Variants in DNM2 observed in about 807,000 individuals in gnomAD.
The protein encoded by DNM2 is dynamin-2.
In DNM2, 15 loss-of-function variants were observed where a neutral mutation model predicts 99.0. That is an observed-to-expected ratio of 0.15 (90% CI 0.10 to 0.23). The LOEUF (loss-of-function observed/expected upper bound fraction) is 0.23. Among genes scored for constraint, DNM2 ranks in the 10% least tolerant of loss-of-function variants. The probability of loss-of-function intolerance (pLI) is 1.00; values close to 1 mark genes in which losing one functional copy is unlikely to be tolerated. For missense variants in DNM2, 742 were observed against 1,189.4 expected, an observed-to-expected ratio of 0.62 and a Z score of 5.53; for synonymous variants, 525 against 481.2, an observed-to-expected ratio of 1.09 and a Z score of -1.19.
At chr19:10,758,955 T>A (rs1197403810) in intron 1 of DNM2, among the ~76,000 whole-genome samples, 1 of 152,160 alleles carries the variant, frequency 6.6e-6, no homozygotes, top group East Asian at 1.9e-4. Flanking sequence ...TCCTTTTTTT[T>A]TTCCCACACA....
chr19:10,795,584 C>A lies in DNM2; in HGVS notation c.1196+145C>A. On this transcript the variant is annotated intron_variant, in intron 9 of 20. Coordinates refer to ENST00000389253, the MANE Select transcript of DNM2 (RefSeq NM_001005361.3). This position sits in a 1 kb window ranked among gnomAD's most constrained non-coding sequence, Gnocchi z 4.2. ...GGTTTTCTGTAGCTGCGAGCCCCTC[C>A]CTGAGGGTCTCCAAGGGCACATGAG... The A allele has an allele frequency of 2.3e-6, 2 of 887,134 alleles. No individual in the cohort carries two copies. Among genetic ancestry groups the A allele is most frequent in the Non-Finnish European group, 3.6e-6 (2 of 550,526 alleles). The allele number at this position is 887,134 out of a possible 1,614,324, so 55.0% of individuals were successfully genotyped here. A position where few individuals can be genotyped will look rare whatever the true frequency, so the allele number is the denominator to read the frequency against.
Position 10,817,719 on chromosome 19 carries a change from G to C in DNM2, c.1672-2261G>C, listed in dbSNP as rs531600733. ...TGGGGGAGGCGGAGCAGGAGGCAGG[G>C]TTTGGGATCGTGGCTTCTGGGCTCA... is the stretch of plus-strand genomic sequence containing the variant. On this transcript the variant is annotated intron_variant, in intron 15 of 20. Transcript: ENST00000389253. The surrounding 1 kb of genome is among the most constrained non-coding windows in gnomAD (Gnocchi z 4.6). Among the ~76,000 whole-genome samples the C allele has an allele frequency of 6.8e-6, 1 of 145,986 alleles. No homozygotes were observed. Among genetic ancestry groups the C allele is most frequent in the East Asian group, 2.1e-4 (1 of 4,850 alleles).
At chr19:10,788,908 C>A (rs2145989356) in intron 7 of DNM2, among the ~76,000 whole-genome samples, 1 of 152,336 alleles carries the variant, frequency 6.6e-6, no homozygotes, top group African/African-American at 2.4e-5. Flanking sequence ...CTGGCATCCC[C>A]CCACCCCCTC....
chr19:10,824,886 T>G, intron 17 of DNM2, 171 bp from the exon 18 acceptor site: 10 of 954,202 alleles, frequency 1.0e-5, no homozygotes, highest in Non-Finnish European at 1.4e-5. Flanking sequence ...GGTCACCCCA[T>G]TGTTTGGGCA....
At chr19:10,740,225 G>A (rs987820902) in intron 1 of DNM2, among the ~76,000 whole-genome samples, 1 of 151,734 alleles carries the variant, frequency 6.6e-6, no homozygotes, top group Non-Finnish European at 1.5e-5. Context: ...AAATTGTGGT[G>A]GTGTTAACTT....
intron 1 of DNM2, among the ~76,000 whole-genome samples, chr19:10,756,246 G>T (rs1003852160): frequency 6.6e-6 from 1 of 152,090 alleles, no homozygotes; most frequent in African/African-American, 2.4e-5. Context: ...GATGTAGCTT[G>T]TTCCCTCAGT....
intron 1 of DNM2, among the ~76,000 whole-genome samples, chr19:10,727,189 C>T (rs373430287): frequency 3.5e-4 from 53 of 152,232 alleles, no homozygotes; most frequent in African/African-American, 1.1e-3. Flanking sequence ...TCCAAAGCTG[C>T]GCTCTAGGCT....
intron 12 of DNM2, 91 bp from the exon 13 acceptor site, chr19:10,805,825 T>C: frequency 6.5e-7 from 1 of 1,547,984 alleles, no homozygotes; most frequent in Admixed American, 1.7e-5. Flanking sequence ...GCTCACTTGG[T>C]CCCCAGGGAG....
chr19:10,774,993 A>C (rs1320762062), intron 3 of DNM2, among the ~76,000 whole-genome samples: 1 of 149,928 alleles, frequency 6.7e-6, no homozygotes, highest in South Asian at 2.1e-4. Context: ...CTGGTTTCGA[A>C]CTCCTGAGCT....
intron 1 of DNM2, among the ~76,000 whole-genome samples, chr19:10,726,753 A>G (rs1036794411): frequency 2.6e-5 from 4 of 152,154 alleles, no homozygotes; most frequent in South Asian, 2.1e-4. Flanking sequence ...AATCCCAGCT[A>G]TTCGGGAGGC....
chr19:10,825,004 A>G, intron 17 of DNM2, 53 bp from the exon 18 acceptor site: 1 of 1,611,838 alleles, frequency 6.2e-7, no homozygotes, highest in Admixed American at 1.7e-5. Flanking sequence ...CCAGAGAACC[A>G]GGACTTGGCC....
At chr19:10,725,540 G>C (rs977320449) in intron 1 of DNM2, among the ~76,000 whole-genome samples, 2 of 152,036 alleles carry the variant, frequency 1.3e-5, no homozygotes, top group Non-Finnish European at 2.9e-5. Flanking sequence ...ACAGTCCAGA[G>C]GGATCTGTGG....
At chr19:10,734,321 C>A (rs867086996) in intron 1 of DNM2, among the ~76,000 whole-genome samples, 7 of 130,382 alleles carry the variant, frequency 5.4e-5, no homozygotes, top group African/African-American at 1.2e-4. Context: ...CCAGCTTGGG[C>A]AACAGAGGGG....
At position 10,743,606 on chromosome 19, in the gene DNM2, C is replaced by T. The variant is rs184373023; in HGVS notation, c.162-16132C>T. On this transcript the variant is annotated intron_variant, in intron 1 of 20. Transcript: ENST00000389253. Reference sequence around the variant, plus strand: ...CAGGTGGATCACAAGGTCAGGAGATCGAGACCATCCTGGCTAATATGGTAA... The same window carrying T: ...CAGGTGGATCACAAGGTCAGGAGATTGAGACCATCCTGGCTAATATGGTAA... Among the ~76,000 whole-genome samples the T allele has an allele frequency of 1.2e-3, 184 of 151,616 alleles. 2 individuals carry two copies. The highest frequency in any genetic ancestry group is 4.4e-3 in the African/African-American group (181 of 41,332).
At chr19:10,779,618 CG>C in intron 5 of DNM2, among the ~76,000 whole-genome samples, 1 of 148,946 alleles carries the variant, frequency 6.7e-6, no homozygotes. Context: ...AGTGATCCTC[CG>C]AGCTCAGCCT....
At chr19:10,809,249 C>G (rs769204046) in intron 14 of DNM2, 1 of 152,284 alleles carries the variant, frequency 6.6e-6, no homozygotes, top group Non-Finnish European at 1.5e-5. Context: ...CATGACTAGT[C>G]AATCAGGAGC....
rs2070775951 is a variant in DNM2 at position 10,765,692 on chromosome 19, GAAGGCTCTCAA to G, written c.235+5885_235+5895del. 6.6e-6 allele frequency among the ~76,000 whole-genome samples: 1 copy of G among 152,238 alleles called. No individual in the cohort carries two copies. The highest frequency in any genetic ancestry group is 2.1e-4 in the South Asian group (1 of 4,838). Reference sequence around the variant, plus strand: ...TGCTGTGCCCACTTCTTGGTCTGCTGAAGGCTCTCAAAAGTCCTGCATGAGTGGATCCTGCC... The same window carrying G: ...TGCTGTGCCCACTTCTTGGTCTGCTGAAGTCCTGCATGAGTGGATCCTGCC... On this transcript the variant is annotated intron_variant, in intron 2 of 20. Coordinates refer to ENST00000389253, the MANE Select transcript of DNM2 (RefSeq NM_001005361.3). The surrounding 1 kb of genome is among the most constrained non-coding windows in gnomAD (Gnocchi z 4.4).
Position 10,830,247 on chromosome 19 carries a change from C to T in DNM2, c.2412C>T (p.Phe804=). ...IPVPVGAAAS[F]SAPPIPSRPG... ...TTCCCGTGGGGGCAGCAGCCTCCTTCTCGGCGCCCCCAATCCCATCCCGGC... is the reference window on the plus strand; with the variant it reads ...TTCCCGTGGGGGCAGCAGCCTCCTTTTCGGCGCCCCCAATCCCATCCCGGC... The change falls in exon 20 of 21, where the codon TTC becomes TTT. Residue 804 remains phenylalanine (F), a synonymous_variant. Transcript: ENST00000389253. The surrounding 1 kb of genome is among the most constrained non-coding windows in gnomAD (Gnocchi z 4.8). 1.2e-6 allele frequency: 2 copies of T among 1,614,018 alleles called. No individual in the cohort carries two copies. The highest frequency in any genetic ancestry group is 2.2e-5 in the East Asian group (1 of 44,856).
intron 11 of DNM2, 139 bp from the exon 12 acceptor site, chr19:10,802,149 C>T (rs982756223): frequency 3.4e-5 from 28 of 824,816 alleles, no homozygotes; most frequent in Non-Finnish European, 5.3e-5. Flanking sequence ...GGGAGTGCGA[C>T]GCCAGCCCCT....
Sources: allele counts gnomAD v4.1 joint callset (sites outside exome capture counted in the v4.1 genomes callset), GRCh38; gene constraint gnomAD v4.1.1; non-coding constraint Gnocchi (gnomAD v3.1); transcripts MANE v1.5; gene names NCBI Gene and HGNC (gene_info 2026-07-23, HGNC 2026-07-21).